KLHL29: variants seen among roughly 807,000 people sequenced by gnomAD.
KLHL29 encodes kelch like family member 29, also known as kelch-like protein 29.
KLHL29 carries 21 observed loss-of-function variants against 80.4 expected under a neutral mutation model. That is an observed-to-expected ratio of 0.26 (90% CI 0.19 to 0.38). KLHL29 has a LOEUF of 0.38. KLHL29 is among the 10% of genes least tolerant of loss of function. The pLI is 1.00. For synonymous variants in KLHL29, 511 were observed against 526.8 expected (o/e 0.97, Z 0.41); for missense variants, 867 against 1,223.9 (o/e 0.71, Z 4.35).
intron 1 of KLHL29, among the ~76,000 whole-genome samples, chr2:23,411,302 A>G (rs1386928967): frequency 6.6e-6 from 1 of 151,740 alleles, no homozygotes; most frequent in African/African-American, 2.4e-5. Context: ...GAATAAACAG[A>G]TGTGTCAGAG....
At chr2:23,597,309 A>ATGTGTG (rs1217422868) in intron 3 of KLHL29, among the ~76,000 whole-genome samples, 1,123 of 100,484 alleles carry the variant, frequency 0.011, 16 homozygotes, top group African/African-American at 0.026. Context: ...ATATATATAT[A>ATGTGTG]TGTGTGTGTG....
At chr2:23,688,234 G>C in intron 6 of KLHL29, among the ~76,000 whole-genome samples, 1 of 152,234 alleles carries the variant, frequency 6.6e-6, no homozygotes. Flanking sequence ...CTGGGTGCAT[G>C]CCCATGCGTG....
intron 5 of KLHL29, among the ~76,000 whole-genome samples, chr2:23,655,449 T>C (rs1174356206): frequency 6.6e-6 from 1 of 152,142 alleles, no homozygotes; most frequent in Non-Finnish European, 1.5e-5. Flanking sequence ...CACCGAGGAA[T>C]GAGGAGCCAC....
At chr2:23,443,190 T>C (rs1023515585) in intron 1 of KLHL29, among the ~76,000 whole-genome samples, 19 of 152,248 alleles carry the variant, frequency 1.2e-4, no homozygotes, top group African/African-American at 4.6e-4. Context: ...TTAATTTATA[T>C]GTGCATGCAT....
Position 23,682,733 on chromosome 2 carries a change from C to T in KLHL29, c.941-1666C>T, listed in dbSNP as rs1445594586. Among the ~76,000 whole-genome samples, 3 of 152,054 alleles carry T rather than the reference C, an allele frequency of 2.0e-5. No individual in the cohort carries two copies. The highest frequency in any genetic ancestry group is 2.0e-4 in the Admixed American group (3 of 15,282). Reference sequence around the variant, plus strand: ...CCACTGGTGCTCTGAGCCTGTTGGTCTCTGTCTGTAGCTCCCACCCCCCTT... The same window carrying T: ...CCACTGGTGCTCTGAGCCTGTTGGTTTCTGTCTGTAGCTCCCACCCCCCTT... On this transcript the variant is annotated intron_variant, in intron 5 of 13. Transcript: ENST00000486442. This position sits in a 1 kb window ranked among gnomAD's most constrained non-coding sequence, Gnocchi z 4.1.
intron 2 of KLHL29, among the ~76,000 whole-genome samples, chr2:23,559,713 C>G (rs192063604): frequency 6.6e-6 from 1 of 151,728 alleles, no homozygotes; most frequent in East Asian, 1.9e-4. Flanking sequence ...GGAAGGTGTG[C>G]GGCAGGCTGC....
chr2:23,552,693 G>GATGCC (rs1667158476), intron 2 of KLHL29, among the ~76,000 whole-genome samples: 1 of 151,226 alleles, frequency 6.6e-6, no homozygotes, highest in South Asian at 2.1e-4. Context: ...TCCAGAGATT[G>GATGCC]ATGCCACCTG....
chr2:23,671,014 CCT>C lies in KLHL29; in HGVS notation c.941-13383_941-13382del, dbSNP rs1321499190. The stretch of plus-strand genomic sequence containing the variant: ...CCTCCCTCCCTCCCCCCCCCCACCT[CCT>C]CCCTTCCCTCCTAACCTCACATCCT... On this transcript the variant is annotated intron_variant, in intron 5 of 13. Coordinates refer to ENST00000486442, the MANE Select transcript of KLHL29 (RefSeq NM_052920.2). Among the ~76,000 whole-genome samples the C allele has an allele frequency of 9.9e-5, 9 of 90,536 alleles. 2 individuals carry two copies. 59.4% of individuals were successfully genotyped at this position (90,536 alleles called of 152,430 possible). A position where few individuals can be genotyped will look rare whatever the true frequency, so the allele number is the denominator to read the frequency against.
At chr2:23,648,477 C>T (rs1459341374) in intron 5 of KLHL29, among the ~76,000 whole-genome samples, 1 of 152,090 alleles carries the variant, frequency 6.6e-6, no homozygotes, top group Non-Finnish European at 1.5e-5. Flanking sequence ...AGGGCGTCCA[C>T]CGTGAACAGA....
At chr2:23,609,319 G>A (rs908579364) in intron 3 of KLHL29, among the ~76,000 whole-genome samples, 3 of 152,134 alleles carry the variant, frequency 2.0e-5, no homozygotes, top group South Asian at 4.1e-4. Context: ...GAGAAAGTGT[G>A]GGAGAGAGAA....
chr2:23,467,693 G>A (rs1033938840), intron 1 of KLHL29, among the ~76,000 whole-genome samples: 4 of 152,202 alleles, frequency 2.6e-5, no homozygotes, highest in Admixed American at 6.5e-5. Context: ...AATAGAAGCT[G>A]TAGCAGCATC....
chr2:23,449,688 A>G (rs1663812098), intron 1 of KLHL29, among the ~76,000 whole-genome samples: 1 of 152,174 alleles, frequency 6.6e-6, no homozygotes, highest in Non-Finnish European at 1.5e-5. Flanking sequence ...TGGAAAGGGT[A>G]CCTCAAAGTT....
rs141175770 is a variant in KLHL29 at position 23,443,414 on chromosome 2, A to G, written c.-153-32146A>G. Among the ~76,000 whole-genome samples, 544 of 152,306 alleles carry G rather than the reference A, an allele frequency of 3.6e-3. 1 individual carries two copies. The highest frequency in any genetic ancestry group is 0.013 in the African/African-American group (525 of 41,564). ...CGAGTGGCCAAAACAAATTTTTAGA[A>G]TTGTTTTTTAAAAATCTATTCATAT... On this transcript the variant is annotated intron_variant, in intron 1 of 13. Transcript: ENST00000486442.
At chr2:23,492,267 C>T (rs768953822) in intron 2 of KLHL29, among the ~76,000 whole-genome samples, 4 of 152,198 alleles carry the variant, frequency 2.6e-5, no homozygotes, top group Non-Finnish European at 5.9e-5. Context: ...CCCCCTTGAC[C>T]TCCTCCCAAG....
chr2:23,389,705 G>A (rs1666271584), intron 1 of KLHL29, among the ~76,000 whole-genome samples: 1 of 151,900 alleles, frequency 6.6e-6, no homozygotes, highest in South Asian at 2.1e-4. Flanking sequence ...AAAAAGGGGG[G>A]GGCGGAATAT....
At chr2:23,532,008 G>T (rs935589142) in intron 2 of KLHL29, among the ~76,000 whole-genome samples, 1 of 152,234 alleles carries the variant, frequency 6.6e-6, no homozygotes, top group Non-Finnish European at 1.5e-5. Context: ...CCAAGGCCCA[G>T]TGGAAGCCTC....
intron 3 of KLHL29, among the ~76,000 whole-genome samples, chr2:23,586,362 C>CTT (rs778067234): frequency 0.13 from 12,456 of 96,928 alleles, 1,528 homozygotes; most frequent in African/African-American, 0.24. Context: ...AAAAGCATTA[C>CTT]TTTTTTTTTT....
At chr2:23,576,166 G>A (rs758592583) in intron 3 of KLHL29, among the ~76,000 whole-genome samples, 162 of 152,214 alleles carry the variant, frequency 1.1e-3, no homozygotes, top group Admixed American at 3.7e-3. Flanking sequence ...TTAGCTGGGC[G>A]TGGTGGCTGG....
intron 1 of KLHL29, among the ~76,000 whole-genome samples, chr2:23,432,903 A>G (rs904139899): frequency 1.2e-4 from 18 of 152,328 alleles, no homozygotes; most frequent in Middle Eastern, 3.4e-3. Flanking sequence ...TATCAATGGC[A>G]GGGAGGATGA....
Sources: gnomAD v4.1 joint callset for allele counts (sites outside exome capture counted in the v4.1 genomes callset) on GRCh38, gnomAD v4.1.1 for gene constraint, Gnocchi (gnomAD v3.1) non-coding constraint, MANE v1.5 for transcripts, NCBI Gene and HGNC (gene_info 2026-07-23, HGNC 2026-07-21) for gene names.